Variants in TENM3 observed in about 807,000 individuals in gnomAD.
TENM3 encodes teneurin transmembrane protein 3.
Under a neutral mutation model 255.1 loss-of-function variants are expected in TENM3, and 63 were observed. That is an observed-to-expected ratio of 0.25 (90% CI 0.20 to 0.30). The LOEUF (loss-of-function observed/expected upper bound fraction) is 0.30. TENM3 is among the 10% of genes least tolerant of loss of function. TENM3 has a pLI of 1.00. For missense variants in TENM3, 2,929 were observed against 3,461.1 expected (o/e 0.85, Z 3.86); for synonymous variants, 1,306 against 1,322.3 (o/e 0.99, Z 0.27).
At chr4:182,081,583 C>CAAAAAAAAAAAAAAAAAAA in the TENM3 span, among the ~76,000 whole-genome samples, 2 of 87,530 alleles carry the variant, frequency 2.3e-5, no homozygotes, top group African/African-American at 9.0e-5. Context: ...GGCTCTGCCT[C>CAAAAAAAAAAAAAAAAAAA]AAAAAAAAAA....
chr4:182,254,751 G>A (rs2150131757), intron 1 of TENM3, among the ~76,000 whole-genome samples: 1 of 152,210 alleles, frequency 6.6e-6, no homozygotes, highest in African/African-American at 2.4e-5. Context: ...TTATCATATT[G>A]TGTGATATGT....
the TENM3 span, among the ~76,000 whole-genome samples, chr4:181,525,900 A>G: frequency 6.6e-6 from 1 of 151,908 alleles, no homozygotes; most frequent in Admixed American, 6.6e-5. Context: ...CCAGCCTGCT[A>G]AGGAAATGTC....
At chr4:181,872,256 T>TTA in the TENM3 span, among the ~76,000 whole-genome samples, 15 of 151,460 alleles carry the variant, frequency 9.9e-5, no homozygotes, top group East Asian at 3.9e-4. Flanking sequence ...TATATAATAT[T>TTA]TATATATCTA....
rs146236327 is a variant in TENM3 at position 182,581,292 on chromosome 4, A to T, written c.512-19632A>T. Among the ~76,000 whole-genome samples the T allele has an allele frequency of 2.7e-3, 414 of 152,332 alleles. 1 individual carries two copies. Among genetic ancestry groups the T allele is most frequent in the African/African-American group, 9.2e-3 (381 of 41,584 alleles). On this transcript the variant is annotated intron_variant, in intron 3 of 27. Transcript: ENST00000511685. ...GATCAAAGTAAGAAATTAAAGAGTT[A>T]CCGGTTCTTTATAAACCAGAAGTCC... is the stretch of plus-strand genomic sequence containing the variant.
the TENM3 span, among the ~76,000 whole-genome samples, chr4:182,017,949 C>T: frequency 2.0e-5 from 3 of 152,062 alleles, no homozygotes; most frequent in Middle Eastern, 3.2e-3. Flanking sequence ...GAGCAAGGCA[C>T]GGAGCTTATG....
chr4:181,979,131 T>TGAC, the TENM3 span, among the ~76,000 whole-genome samples: 1 of 107,728 alleles, frequency 9.3e-6, no homozygotes, highest in African/African-American at 3.6e-5. Context: ...TATATATATA[T>TGAC]ATATATATAT....
At chr4:182,693,523 GA>G (rs1757165035) in intron 12 of TENM3, among the ~76,000 whole-genome samples, 1 of 152,050 alleles carries the variant, frequency 6.6e-6, no homozygotes, top group Non-Finnish European at 1.5e-5. Context: ...TTTTTTAGTA[GA>G]GATGGGGTTT....
the TENM3 span, among the ~76,000 whole-genome samples, chr4:182,018,159 C>T: frequency 6.6e-6 from 1 of 152,058 alleles, no homozygotes; most frequent in Admixed American, 6.5e-5. Context: ...GGGGATGATT[C>T]TTTGGGTTTT....
the TENM3 span, among the ~76,000 whole-genome samples, chr4:182,013,672 G>C: frequency 6.6e-6 from 1 of 152,048 alleles, no homozygotes; most frequent in Non-Finnish European, 1.5e-5. Flanking sequence ...AGGGTCTGTG[G>C]GATCAGCTTC....
At chr4:182,130,682 T>C in the TENM3 span, among the ~76,000 whole-genome samples, 2 of 135,764 alleles carry the variant, frequency 1.5e-5, no homozygotes, top group Non-Finnish European at 1.7e-5. Flanking sequence ...ATCCTGATCC[T>C]GTATGCCGTT....
the TENM3 span, among the ~76,000 whole-genome samples, chr4:181,844,856 G>A: frequency 6.6e-6 from 1 of 152,038 alleles, no homozygotes; most frequent in Admixed American, 6.6e-5. Flanking sequence ...CATTTAAATG[G>A]TCCTCCCTCA....
chr4:181,815,666 C>T, the TENM3 span, among the ~76,000 whole-genome samples: 1 of 152,104 alleles, frequency 6.6e-6, no homozygotes, highest in African/African-American at 2.4e-5. Context: ...CCACTGATCA[C>T]ACAGCTGGGA....
At chr4:182,724,478 G>C (rs1317689658) in intron 13 of TENM3, among the ~76,000 whole-genome samples, 1 of 152,214 alleles carries the variant, frequency 6.6e-6, no homozygotes, top group Non-Finnish European at 1.5e-5. Flanking sequence ...ATAACAAACA[G>C]TGTGTCCCTG....
At chr4:181,887,166 A>T in the TENM3 span, among the ~76,000 whole-genome samples, 142 of 152,234 alleles carry the variant, frequency 9.3e-4, no homozygotes, top group African/African-American at 3.2e-3. Context: ...AGAAAAAAAA[A>T]TGTCCTTTCT....
chr4:182,422,944 A>G (rs1770945337), intron 3 of TENM3, among the ~76,000 whole-genome samples: 1 of 152,344 alleles, frequency 6.6e-6, no homozygotes, highest in Admixed American at 6.5e-5. Flanking sequence ...CGTAGGTAGC[A>G]GGTTGGTCTC....
chr4:182,200,677 A>G (rs982789375), intron 1 of TENM3, among the ~76,000 whole-genome samples: 2 of 152,238 alleles, frequency 1.3e-5, no homozygotes, highest in Admixed American at 6.5e-5. Context: ...GATTAGAAGC[A>G]TATAGACAGA....
intron 1 of TENM3, among the ~76,000 whole-genome samples, chr4:182,268,472 G>C (rs1316110492): frequency 6.6e-6 from 1 of 152,112 alleles, no homozygotes; most frequent in Non-Finnish European, 1.5e-5. Context: ...GGGGGGAAAT[G>C]TGTCAGAGGC....
intron 1 of TENM3, among the ~76,000 whole-genome samples, chr4:182,230,247 G>A (rs181149144): frequency 1.6e-4 from 24 of 151,836 alleles, no homozygotes; most frequent in Admixed American, 6.6e-4. Context: ...CCCATGAAGC[G>A]CAAAATGTCC....
At chr4:181,784,611 A>G in the TENM3 span, among the ~76,000 whole-genome samples, 208 of 152,246 alleles carry the variant, frequency 1.4e-3, no homozygotes, top group African/African-American at 4.8e-3. Context: ...ATTCCCAAGC[A>G]TCAAATTCAT....
Sources: gnomAD v4.1 joint callset for allele counts (sites outside exome capture counted in the v4.1 genomes callset) on GRCh38, gnomAD v4.1.1 for gene constraint, MANE v1.5 for transcripts, NCBI Gene and HGNC (gene_info 2026-07-23, HGNC 2026-07-21) for gene names.